Variants in RAN observed in about 807,000 individuals in gnomAD.
RAN encodes the protein RAN, member RAS oncogene family.
A neutral mutation model predicts 26.8 loss-of-function variants in RAN; 2 were observed. The observed-to-expected ratio is 0.07, with a 90% confidence interval of 0.03 to 0.23. The LOEUF (loss-of-function observed/expected upper bound fraction) is 0.23. Ranked by LOEUF, RAN falls within the 10% of genes least tolerant of loss-of-function variation. The probability of loss-of-function intolerance (pLI) is 1.00; values close to 1 mark genes in which losing one functional copy is unlikely to be tolerated. For synonymous variants in RAN, 132 were observed against 95.9 expected, an observed-to-expected ratio of 1.38 and a Z score of -2.20; for missense variants, 56 against 264.8, an observed-to-expected ratio of 0.21 and a Z score of 5.47.
intron 5 of RAN, among the ~76,000 whole-genome samples, chr12:130,875,106 A>G (rs546955071): frequency 2.0e-5 from 3 of 152,324 alleles, no homozygotes; most frequent in South Asian, 2.1e-4. Flanking sequence ...GATTACAGGC[A>G]TGAGCCACTG....
rs140617033 is a variant in RAN at position 130,874,976 on chromosome 12, G to C, written c.435+243G>C. On this transcript the variant is annotated intron_variant, in intron 5 of 6. Transcript: ENST00000543796. ...CTGGATTACAGGTGTGTACCACCAC[G>C]CCTGGCTAATTTTTGTACTTTTTTT... 6.6e-3 allele frequency among the ~76,000 whole-genome samples: 1,002 copies of C among 152,066 alleles called. 18 individuals are homozygous for C. Among genetic ancestry groups the C allele is most frequent in the African/African-American group, 0.019 (778 of 41,482 alleles).
At chr12:130,872,651 G>T in intron 2 of RAN, 22 bp downstream of exon 2, 1 of 1,520,830 alleles carries the variant, frequency 6.6e-7, no homozygotes, top group Non-Finnish European at 8.8e-7. Flanking sequence ...TGCGGGGCGG[G>T]AGGCGGCCGA....
chr12:130,876,234 A>G lies in RAN; in HGVS notation c.*308A>G, dbSNP rs1204516835. 2.8e-6 allele frequency: 1 copy of G among 356,578 alleles called. No homozygotes were observed. Among genetic ancestry groups the G allele is most frequent in the Non-Finnish European group, 5.1e-6 (1 of 195,946 alleles). The allele number at this position is 356,578 out of a possible 1,614,324, so 22.1% of individuals were successfully genotyped here. On this transcript the variant is annotated 3_prime_UTR_variant, in exon 7 of 7. Coordinates refer to ENST00000543796, the MANE Select transcript of RAN (RefSeq NM_006325.5). ...AATCTTGTTTGTTACTGTCATTCCC[A>G]TTCCTTTTCGTTTAGAATCAGAATA...
intron 4 of RAN, 37 bp downstream of exon 4, chr12:130,873,165 G>GT: frequency 1.9e-6 from 3 of 1,613,330 alleles, no homozygotes; most frequent in Non-Finnish European, 2.5e-6. Flanking sequence ...TTTTTGAGAG[G>GT]TTTTGTGTAC....
intron 5 of RAN, 127 bp downstream of exon 5, chr12:130,874,860 TC>T: frequency 1.2e-6 from 1 of 821,250 alleles, no homozygotes; most frequent in Non-Finnish European, 1.8e-6. Context: ...TCTTCCTCTG[TC>T]CCCCATGCTG....
intron 1 of RAN, 24 bp from the exon 2 acceptor site, chr12:130,872,560 C>CGCCTCCGTCCTCT: frequency 2.1e-6 from 3 of 1,444,286 alleles, no homozygotes; most frequent in South Asian, 1.5e-5. Flanking sequence ...CGCGAGCGCT[C>CGCCTCCGTCCTCT]GCCTCCGTCC....
In RAN at chr12:130,873,112, T is replaced by C. The variant is rs200748775; in HGVS notation, c.231T>C (p.Asp77=). Residue 77 remains aspartate, a synonymous_variant, in exon 4 of 7, where the codon GAT becomes GAC. Transcript: ENST00000543796. ...AGGAGAAATTCGGTGGACTGAGAGATGGCTATTATATCCAAGGTAGGCATT... is the reference window on the plus strand; with the variant it reads ...AGGAGAAATTCGGTGGACTGAGAGACGGCTATTATATCCAAGGTAGGCATT... The part of the protein sequence containing the change: ...AGQEKFGGLR[D]GYYIQAQCAI... The C allele has an allele frequency of 1.2e-6, 2 of 1,614,196 alleles. No homozygotes were observed. The highest frequency in any genetic ancestry group is 1.7e-6 in the Non-Finnish European group (2 of 1,180,022).
In RAN at chr12:130,872,138, C is replaced by T. The variant is rs1374229766; in HGVS notation, c.-11+12C>T. 4.3e-6 allele frequency: 1 copy of T among 230,922 alleles called. No homozygotes were observed. The highest frequency in any genetic ancestry group is 3.8e-5 in the South Asian group (1 of 26,586). 14.3% of individuals were successfully genotyped at this position (230,922 alleles called of 1,614,324 possible). A position where few individuals can be genotyped will look rare whatever the true frequency, so the allele number is the denominator to read the frequency against. On this transcript the variant is annotated intron_variant, in intron 1 of 6. Coordinates refer to ENST00000543796, the MANE Select transcript of RAN (RefSeq NM_006325.5). ...GACGCTTCTGGAAGGTATCGCGACC[C>T]GGCGGGCCCGGCACGGCCGGGCGGG...
rs1258077677 is a variant in RAN, at chr12:130,876,892, TCAG to T, written c.*970_*972del. The T allele has an allele frequency of 2.6e-5, 4 of 152,218 alleles. No individual in the cohort carries two copies. Among genetic ancestry groups the T allele is most frequent in the Admixed American group, 6.5e-5 (1 of 15,282 alleles). 9.4% of individuals were successfully genotyped at this position (152,218 alleles called of 1,614,324 possible). ...AAGATGTCTTGAACATTTAAGTTCT[TCAG>T]CAGTTCACACTACACCGTTTTTTTG... On this transcript the variant is annotated 3_prime_UTR_variant, in exon 7 of 7. Coordinates refer to ENST00000543796, the MANE Select transcript of RAN (RefSeq NM_006325.5).
chr12:130,872,397 C>T (rs1593218787), intron 1 of RAN, 187 bp from the exon 2 acceptor site: 1 of 169,556 alleles, frequency 5.9e-6, no homozygotes, highest in Admixed American at 6.4e-5. Context: ...GGCCGCCGTT[C>T]CCCGGGCCCC....
chr12:130,872,103 C>G lies in RAN; in HGVS notation c.-34C>G, dbSNP rs1042586626. The G allele has an allele frequency of 5.4e-5, 17 of 316,512 alleles. No individual in the cohort carries two copies. Among genetic ancestry groups the G allele is most frequent in the Middle Eastern group, 4.6e-4 (1 of 2,164 alleles). The allele number at this position is 316,512 out of a possible 1,614,324, so 19.6% of individuals were successfully genotyped here. On this transcript the variant is annotated 5_prime_UTR_variant, in exon 1 of 7. Coordinates refer to ENST00000543796, the MANE Select transcript of RAN (RefSeq NM_006325.5). Reference sequence around the variant, plus strand: ...CGCCATCTTTCCAGCCTCAGTCGGACGGGCGCGGAGACGCTTCTGGAAGGT... The same window carrying G: ...CGCCATCTTTCCAGCCTCAGTCGGAGGGGCGCGGAGACGCTTCTGGAAGGT...
At position 130,872,133 on chromosome 12, in the gene RAN, C is replaced by G. The variant is rs1039091047; in HGVS notation, c.-11+7C>G. The G allele has an allele frequency of 8.1e-6, 2 of 247,162 alleles. No individual in the cohort carries two copies. Among genetic ancestry groups the G allele is most frequent in the East Asian group, 3.5e-4 (2 of 5,704 alleles). 15.3% of individuals were successfully genotyped at this position (247,162 alleles called of 1,614,324 possible). A position where few individuals can be genotyped will look rare whatever the true frequency, so the allele number is the denominator to read the frequency against. On this transcript the variant is annotated splice_region_variant and intron_variant, in intron 1 of 6. Transcript: ENST00000543796. ...GCGGAGACGCTTCTGGAAGGTATCGCGACCCGGCGGGCCCGGCACGGCCGG... is the reference window on the plus strand; with the variant it reads ...GCGGAGACGCTTCTGGAAGGTATCGGGACCCGGCGGGCCCGGCACGGCCGG...
intron 4 of RAN, chr12:130,873,915 A>G (rs961116721): frequency 3.8e-5 from 8 of 209,792 alleles, no homozygotes; most frequent in African/African-American, 1.9e-4. Flanking sequence ...TCTGTTGCCC[A>G]ACCTGGAGTG....
chr12:130,875,312 C>T (rs1388896635), intron 5 of RAN, among the ~76,000 whole-genome samples: 3 of 152,144 alleles, frequency 2.0e-5, no homozygotes, highest in Non-Finnish European at 2.9e-5. Flanking sequence ...GCCCTGAACT[C>T]CTGGGCTCAA....
rs1387558513 is a variant in RAN, at chr12:130,875,659, C to T, written c.483C>T (p.Phe161=). The T allele has an allele frequency of 1.2e-6, 2 of 1,612,730 alleles. No individual in the cohort carries two copies. Among genetic ancestry groups the T allele is most frequent in the East Asian group, 2.2e-5 (1 of 44,904 alleles). The change falls in exon 6 of 7, where the codon TTC becomes TTT. Residue 161 remains phenylalanine (F), a synonymous_variant. Coordinates refer to ENST00000543796, the MANE Select transcript of RAN (RefSeq NM_006325.5). The part of the protein sequence containing the change: ...AKSNYNFEKP[F]LWLARKLIGD... ...GTAACTACAACTTTGAAAAGCCCTTCCTCTGGCTTGCTAGGAAGCTCATTG... is the reference window on the plus strand; with the variant it reads ...GTAACTACAACTTTGAAAAGCCCTTTCTCTGGCTTGCTAGGAAGCTCATTG...
chr12:130,875,466 C>G, intron 5 of RAN, 146 bp from the exon 6 acceptor site: 1 of 746,628 alleles, frequency 1.3e-6, no homozygotes. Flanking sequence ...GCAATCCCAC[C>G]TCAGCCCCCG....
chr12:130,876,890 C>G lies in RAN; in HGVS notation c.*964C>G, dbSNP rs546346066. The G allele has an allele frequency of 3.9e-5, 6 of 152,076 alleles. No individual in the cohort carries two copies. The highest frequency in any genetic ancestry group is 1.4e-4 in the African/African-American group (6 of 41,400). 9.4% of individuals were successfully genotyped at this position (152,076 alleles called of 1,614,324 possible). On this transcript the variant is annotated 3_prime_UTR_variant, in exon 7 of 7. Transcript: ENST00000543796. ...TAAAGATGTCTTGAACATTTAAGTT[C>G]TTCAGCAGTTCACACTACACCGTTT...
In RAN at chr12:130,872,100, G is replaced by A. The variant is rs11546491; in HGVS notation, c.-37G>A. On this transcript the variant is annotated 5_prime_UTR_variant, in exon 1 of 7. Transcript: ENST00000543796. ...TTCCGCCATCTTTCCAGCCTCAGTC[G>A]GACGGGCGCGGAGACGCTTCTGGAA... 0.011 allele frequency: 3,433 copies of A among 315,802 alleles called. 30 individuals carry two copies. The highest frequency in any genetic ancestry group is 0.017 in the Middle Eastern group (37 of 2,128). 19.6% of individuals were successfully genotyped at this position (315,802 alleles called of 1,614,324 possible).
In RAN at chr12:130,876,655, T is replaced by TTTTCTTTTA. The variant is rs1215760537; in HGVS notation, c.*731_*739dup. ...TCAAATAGATATTTTAAGGGTAATA[T>TTTTCTTTTA]TTTCTTTTATGGCAAAAGTAATCAT... On this transcript the variant is annotated 3_prime_UTR_variant, in exon 7 of 7. Transcript: ENST00000543796. The TTTTCTTTTA allele has an allele frequency of 6.6e-6, 1 of 152,096 alleles. No homozygotes were observed. The highest frequency in any genetic ancestry group is 1.5e-5 in the Non-Finnish European group (1 of 68,012). The allele number at this position is 152,096 out of a possible 1,614,324, so 9.4% of individuals were successfully genotyped here. A position where few individuals can be genotyped will look rare whatever the true frequency, so the allele number is the denominator to read the frequency against.
Sources: gnomAD v4.1 joint callset for allele counts (sites outside exome capture counted in the v4.1 genomes callset) on GRCh38, gnomAD v4.1.1 for gene constraint, MANE v1.5 for transcripts, NCBI Gene and HGNC (gene_info 2026-07-23, HGNC 2026-07-21) for gene names.